CNTN5: variants seen among roughly 807,000 people sequenced by gnomAD.
CNTN5 encodes contactin 5, also known as contactin-5.
CNTN5 carries 77 observed loss-of-function variants against 129.1 expected under a neutral mutation model. The observed-to-expected ratio is 0.60, with a 90% CI of 0.50 to 0.72. CNTN5 has a LOEUF of 0.72. Among genes scored for constraint, CNTN5 ranks in the 30% least tolerant of loss-of-function variants. The pLI is 0.00. For missense variants in CNTN5, 1,478 were observed against 1,328.8 expected (o/e 1.11, Z -1.75); for synonymous variants, 509 against 465.6 (o/e 1.09, Z -1.20).
At chr11:99,460,242 G>T (rs1215936655) in intron 2 of CNTN5, among the ~76,000 whole-genome samples, 2 of 151,084 alleles carry the variant, frequency 1.3e-5, no homozygotes, top group Admixed American at 1.3e-4. Flanking sequence ...CTCTTAAATA[G>T]AAATTTTTAA....
At chr11:100,016,834 C>T (rs1037171465) in intron 9 of CNTN5, among the ~76,000 whole-genome samples, 2 of 151,434 alleles carry the variant, frequency 1.3e-5, no homozygotes, top group Non-Finnish European at 2.9e-5. Context: ...TTTTAATTTA[C>T]AATGTAATGT....
chr11:99,813,015 TACCAATTGGTAAA>T (rs1946476210), intron 3 of CNTN5, among the ~76,000 whole-genome samples: 1 of 107,954 alleles, frequency 9.3e-6, no homozygotes, highest in Admixed American at 8.6e-5. Flanking sequence ...CTTACCAATT[TACCAATTGGTAAA>T]ATCCTCCACC....
At chr11:99,198,801 GT>G (rs1239999466) in intron 1 of CNTN5, among the ~76,000 whole-genome samples, 1 of 151,984 alleles carries the variant, frequency 6.6e-6, no homozygotes, top group Non-Finnish European at 1.5e-5. Flanking sequence ...TGTTTTTTGT[GT>G]TACTAATTTT....
chr11:99,378,443 T>A (rs1274139314), intron 2 of CNTN5, among the ~76,000 whole-genome samples: 1 of 152,144 alleles, frequency 6.6e-6, no homozygotes, highest in Non-Finnish European at 1.5e-5. Flanking sequence ...GTTCAAGTAC[T>A]GTATTCACAT....
At chr11:99,719,415 T>G (rs1243796208) in intron 3 of CNTN5, among the ~76,000 whole-genome samples, 1 of 152,070 alleles carries the variant, frequency 6.6e-6, no homozygotes, top group East Asian at 1.9e-4. Context: ...TGTGTAAAAA[T>G]GTTTTCATAG....
At chr11:99,190,303 A>G (rs1035033880) in intron 1 of CNTN5, among the ~76,000 whole-genome samples, 5 of 151,734 alleles carry the variant, frequency 3.3e-5, no homozygotes, top group African/African-American at 1.2e-4. Flanking sequence ...ATAGCCTTGT[A>G]GTATATTTTG....
intron 18 of CNTN5, among the ~76,000 whole-genome samples, chr11:100,287,239 T>C (rs1373757862): frequency 2.0e-5 from 3 of 152,114 alleles, no homozygotes; most frequent in African/African-American, 7.2e-5. Context: ...AACATTCAAA[T>C]TCAGGAAATA....
At chr11:99,526,234 G>A (rs1947480086) in intron 2 of CNTN5, among the ~76,000 whole-genome samples, 2 of 152,190 alleles carry the variant, frequency 1.3e-5, no homozygotes, top group African/African-American at 4.8e-5. Flanking sequence ...AAGAAAAGAA[G>A]TAGTGTGTTT....
chr11:99,389,106 T>G (rs951361981), intron 2 of CNTN5, among the ~76,000 whole-genome samples: 1 of 150,106 alleles, frequency 6.7e-6, no homozygotes, highest in African/African-American at 2.4e-5. Context: ...CTTGGCTCAC[T>G]GCAACCTCTG....
intron 1 of CNTN5, among the ~76,000 whole-genome samples, chr11:99,034,671 T>G (rs1304875371): frequency 6.7e-6 from 1 of 149,966 alleles, no homozygotes; most frequent in Non-Finnish European, 1.5e-5. Flanking sequence ...TTTTTCTTTA[T>G]TAGTCTTGCT....
chr11:100,040,413 G>T (rs1034986561), intron 9 of CNTN5, among the ~76,000 whole-genome samples: 7 of 152,202 alleles, frequency 4.6e-5, no homozygotes, highest in Admixed American at 1.3e-4. Context: ...CTACTCGGGG[G>T]TCATGGACCC....
At chr11:100,044,638 T>C (rs928762832) in intron 9 of CNTN5, among the ~76,000 whole-genome samples, 4 of 151,994 alleles carry the variant, frequency 2.6e-5, no homozygotes, top group Admixed American at 6.6e-5. Flanking sequence ...TTTTGAAAAA[T>C]GTCTATGCAT....
intron 13 of CNTN5, among the ~76,000 whole-genome samples, chr11:100,104,090 G>C (rs1245709596): frequency 2.8e-5 from 4 of 143,538 alleles, no homozygotes; most frequent in African/African-American, 1.0e-4. Flanking sequence ...GGTAGAAAAC[G>C]TCACTTTTTT....
intron 3 of CNTN5, among the ~76,000 whole-genome samples, chr11:99,783,137 A>AAGAT (rs1945376939): frequency 1.3e-5 from 1 of 77,064 alleles, no homozygotes; most frequent in African/African-American, 4.9e-5. Flanking sequence ...GAAAAAAACA[A>AAGAT]CCCCATCAAA....
intron 2 of CNTN5, among the ~76,000 whole-genome samples, chr11:99,523,181 G>A (rs144779406): frequency 3.3e-5 from 5 of 151,918 alleles, no homozygotes; most frequent in Non-Finnish European, 4.4e-5. Context: ...TACTACATTC[G>A]TCTGTTGACA....
chr11:100,204,536 T>A (rs1169754070), intron 15 of CNTN5, among the ~76,000 whole-genome samples: 1 of 150,090 alleles, frequency 6.7e-6, no homozygotes, highest in Non-Finnish European at 1.5e-5. Flanking sequence ...AGTACAGTAG[T>A]ACAATCTCAG....
At chr11:100,005,390 C>A (rs1940129451) in intron 9 of CNTN5, among the ~76,000 whole-genome samples, 1 of 152,038 alleles carries the variant, frequency 6.6e-6, no homozygotes, top group Non-Finnish European at 1.5e-5. Context: ...TCTTGCCTCA[C>A]TCTATCATTT....
At chr11:99,067,888 A>G (rs1162078712) in intron 1 of CNTN5, among the ~76,000 whole-genome samples, 1 of 152,160 alleles carries the variant, frequency 6.6e-6, no homozygotes, top group African/African-American at 2.4e-5. Context: ...ATCCCCATGC[A>G]GCAAGAGAGA....
At chr11:100,070,099 C>G (rs951098442) in intron 10 of CNTN5, among the ~76,000 whole-genome samples, 1 of 150,408 alleles carries the variant, frequency 6.6e-6, no homozygotes, top group African/African-American at 2.5e-5. Flanking sequence ...GAGCAATTGA[C>G]TCTAGTACCT....
Sources: gnomAD v4.1 joint callset for allele counts (sites outside exome capture counted in the v4.1 genomes callset) on GRCh38, gnomAD v4.1.1 for gene constraint, MANE v1.5 for transcripts, NCBI Gene and HGNC (gene_info 2026-07-23, HGNC 2026-07-21) for gene names.